PCSK2: variants seen among roughly 807,000 people sequenced by gnomAD.
PCSK2 encodes proprotein convertase subtilisin/kexin type 2, also known as neuroendocrine convertase 2.
A neutral mutation model predicts 69.7 loss-of-function variants in PCSK2; 14 were observed. That is an observed-to-expected ratio of 0.20 (90% CI 0.13 to 0.31). The LOEUF is 0.31. Among genes scored for constraint, PCSK2 ranks in the 10% least tolerant of loss-of-function variants. The pLI is 1.00. For synonymous variants in PCSK2, 307 were observed against 320.7 expected (o/e 0.96, Z 0.46); for missense variants, 544 against 842.5 (o/e 0.65, Z 4.39).
At chr20:17,434,648 C>A (rs1217887575) in intron 7 of PCSK2, among the ~76,000 whole-genome samples, 1 of 152,128 alleles carries the variant, frequency 6.6e-6, no homozygotes, top group African/African-American at 2.4e-5. Context: ...CTGGAAGTGC[C>A]ATGCACCAGC....
At chr20:17,435,352 A>G (rs970093120) in intron 7 of PCSK2, among the ~76,000 whole-genome samples, 3 of 152,222 alleles carry the variant, frequency 2.0e-5, no homozygotes, top group African/African-American at 4.8e-5. Context: ...ATCTGGTGGT[A>G]TATGAAACAC....
intron 1 of PCSK2, among the ~76,000 whole-genome samples, chr20:17,255,153 T>C (rs1987128783): frequency 6.6e-6 from 1 of 152,254 alleles, no homozygotes; most frequent in African/African-American, 2.4e-5. Flanking sequence ...GATGCCTTTA[T>C]TTCTTTATCT....
chr20:17,472,146 G>A (rs2033212646), intron 11 of PCSK2, among the ~76,000 whole-genome samples: 1 of 152,240 alleles, frequency 6.6e-6, no homozygotes, highest in Non-Finnish European at 1.5e-5. Flanking sequence ...TCAGCCAGCT[G>A]GGAGTGACCT....
intron 2 of PCSK2, among the ~76,000 whole-genome samples, chr20:17,281,931 A>C (rs1988330393): frequency 6.6e-6 from 1 of 152,156 alleles, no homozygotes; most frequent in African/African-American, 2.4e-5. Flanking sequence ...CCAGTAAGCC[A>C]CTTGACTGTT....
chr20:17,477,847 G>A (rs1011002086), intron 11 of PCSK2, among the ~76,000 whole-genome samples: 9 of 152,100 alleles, frequency 5.9e-5, no homozygotes, highest in Non-Finnish European at 1.3e-4. Context: ...GCATTTGGTG[G>A]CCAGCTGTGT....
chr20:17,434,879 C>A (rs955373275), intron 7 of PCSK2, among the ~76,000 whole-genome samples: 1 of 152,136 alleles, frequency 6.6e-6, no homozygotes, highest in Non-Finnish European at 1.5e-5. Flanking sequence ...CTGCACTGAC[C>A]AGTTTATTCT....
At chr20:17,251,182 G>A (rs1463147059) in intron 1 of PCSK2, among the ~76,000 whole-genome samples, 1 of 152,134 alleles carries the variant, frequency 6.6e-6, no homozygotes, top group African/African-American at 2.4e-5. Context: ...CTACCTGATA[G>A]TGTTCAAAGT....
chr20:17,348,036 A>AAGAG (rs1990734084), intron 2 of PCSK2, among the ~76,000 whole-genome samples: 1 of 70,980 alleles, frequency 1.4e-5, no homozygotes, highest in Admixed American at 1.3e-4. Context: ...AGAAAGAAGA[A>AAGAG]AGAAAGAAAG....
At chr20:17,398,129 G>C (rs1476336511) in intron 5 of PCSK2, among the ~76,000 whole-genome samples, 1 of 152,140 alleles carries the variant, frequency 6.6e-6, no homozygotes, top group East Asian at 1.9e-4. Context: ...TAGGTGCAAG[G>C]GGAGGAGAGA....
chr20:17,394,309 G>C (rs2031457549), intron 5 of PCSK2, among the ~76,000 whole-genome samples: 2 of 152,168 alleles, frequency 1.3e-5, no homozygotes, highest in African/African-American at 2.4e-5. Flanking sequence ...CATTTGTTGA[G>C]AGTCTATTAT....
At chr20:17,276,695 A>G (rs1376743460) in intron 2 of PCSK2, among the ~76,000 whole-genome samples, 4 of 152,112 alleles carry the variant, frequency 2.6e-5, no homozygotes, top group Admixed American at 6.6e-5. Context: ...CCTATTCAAC[A>G]TAGTGTTGGA....
At chr20:17,364,816 T>C (rs371372392) in intron 4 of PCSK2, among the ~76,000 whole-genome samples, 3 of 152,222 alleles carry the variant, frequency 2.0e-5, no homozygotes, top group African/African-American at 7.2e-5. Flanking sequence ...TGATGTTAGC[T>C]GGGCTGCAGT....
chr20:17,447,788 T>TA (rs1431162440), intron 8 of PCSK2, among the ~76,000 whole-genome samples: 6 of 152,140 alleles, frequency 3.9e-5, no homozygotes, highest in Non-Finnish European at 8.8e-5. Flanking sequence ...TTCATAAAAC[T>TA]AATAAAAAAT....
chr20:17,315,933 G>A (rs1202676264), intron 2 of PCSK2, among the ~76,000 whole-genome samples: 2 of 152,210 alleles, frequency 1.3e-5, no homozygotes, highest in Non-Finnish European at 2.9e-5. Context: ...CCACTCCCCA[G>A]GGTTAAAAAT....
rs542607464 is a variant in PCSK2 at position 17,436,852 on chromosome 20, C to T, written c.854C>T (p.Thr285Met). The change falls in exon 8 of 12, where the codon ACG becomes ATG. Residue 285 changes from threonine to methionine, a missense_variant. Thr to Met is a moderately conservative substitution (Grantham distance 81). Coordinates refer to ENST00000262545, the MANE Select transcript of PCSK2 (RefSeq NM_002594.5). ...GKTVDGPREL[T>M]LQAMADGVNK... The stretch of plus-strand genomic sequence containing the variant: ...ACAGTGGATGGGCCCCGGGAGCTCA[C>T]GCTGCAGGCCATGGCCGATGGCGTG... 1.2e-6 allele frequency: 2 copies of T among 1,613,198 alleles called. No individual in the cohort carries two copies. The highest frequency in any genetic ancestry group is 1.1e-5 in the South Asian group (1 of 91,030).
At chr20:17,480,375 G>C (rs1392686895) in intron 11 of PCSK2, among the ~76,000 whole-genome samples, 1 of 151,776 alleles carries the variant, frequency 6.6e-6, no homozygotes, top group African/African-American at 2.4e-5. Context: ...ATTTTTAGTA[G>C]AGACAGGGTT....
chr20:17,260,192 G>A (rs1209655185), intron 1 of PCSK2, 48 bp from the exon 2 acceptor site: 4 of 1,266,812 alleles, frequency 3.2e-6, no homozygotes, highest in Middle Eastern at 1.9e-4. Flanking sequence ...CTGTCCCTGG[G>A]CCAACCCCAG....
At chr20:17,270,762 A>T (rs1406078311) in intron 2 of PCSK2, among the ~76,000 whole-genome samples, 1 of 151,994 alleles carries the variant, frequency 6.6e-6, no homozygotes, top group Non-Finnish European at 1.5e-5. Flanking sequence ...AGCAATTAAA[A>T]CCTATTGTGT....
intron 2 of PCSK2, among the ~76,000 whole-genome samples, chr20:17,320,173 GAAC>G (rs1989820178): frequency 6.6e-6 from 1 of 152,158 alleles, no homozygotes. Flanking sequence ...ATGTGCACAT[GAAC>G]TGCCTTTCCA....
Sources: allele counts gnomAD v4.1 joint callset (sites outside exome capture counted in the v4.1 genomes callset), GRCh38; gene constraint gnomAD v4.1.1; transcripts MANE v1.5; gene names NCBI Gene and HGNC (gene_info 2026-07-23, HGNC 2026-07-21).